The following CD86 variants were observed in gnomAD, a reference collection of about 807,000 sequenced individuals.
CD86 encodes T-lymphocyte activation antigen CD86.
Under a neutral mutation model 32.1 loss-of-function variants are expected in CD86, and 11 were observed. That is an observed-to-expected ratio of 0.34 (90% confidence interval 0.22 to 0.57). CD86 has a LOEUF of 0.57. CD86 is among the 20% of genes least tolerant of loss of function. The probability of loss-of-function intolerance (pLI) is 0.86; values close to 1 mark genes in which losing one functional copy is unlikely to be tolerated. For missense variants in CD86, 359 were observed against 398.4 expected, an observed-to-expected ratio of 0.90 and a Z score of 0.84; for synonymous variants, 137 against 135.3, an observed-to-expected ratio of 1.01 and a Z score of -0.09.
chr3:122,061,012 G>A (rs1442352503), intron 1 of CD86, among the ~76,000 whole-genome samples: 1 of 152,208 alleles, frequency 6.6e-6, no homozygotes, highest in Non-Finnish European at 1.5e-5. Context: ...TAATCTTTCT[G>A]TAGTGGCAGG....
chr3:122,088,855 G>A (rs1335671992), intron 1 of CD86, among the ~76,000 whole-genome samples: 1 of 152,200 alleles, frequency 6.6e-6, no homozygotes, highest in Non-Finnish European at 1.5e-5. Flanking sequence ...TGAAAGCAGA[G>A]TCTTAAAGAG....
intron 5 of CD86, among the ~76,000 whole-genome samples, chr3:122,110,066 G>T (rs1373667761): frequency 3.3e-5 from 5 of 151,986 alleles, no homozygotes; most frequent in African/African-American, 1.2e-4. Flanking sequence ...TATCATAAGG[G>T]TTATTTTTCA....
intron 5 of CD86, among the ~76,000 whole-genome samples, chr3:122,114,078 C>T (rs1469333154): frequency 1.3e-5 from 2 of 151,964 alleles, no homozygotes; most frequent in Non-Finnish European, 2.9e-5. Context: ...TGGTGAAACC[C>T]CATTTCTACT....
chr3:122,060,417 C>T (rs2072316340), intron 1 of CD86, among the ~76,000 whole-genome samples: 1 of 152,128 alleles, frequency 6.6e-6, no homozygotes, highest in Admixed American at 6.5e-5. Flanking sequence ...GGAGTAAACT[C>T]ACCTCTGCTG....
At chr3:122,075,862 C>T (rs1368717735) in intron 1 of CD86, among the ~76,000 whole-genome samples, 1 of 152,112 alleles carries the variant, frequency 6.6e-6, no homozygotes, top group African/African-American at 2.4e-5. Flanking sequence ...AATAAAACAA[C>T]TTGTTTTTTA....
chr3:122,055,435 C>T lies in CD86; in HGVS notation c.-55C>T. The T allele has an allele frequency of 1.3e-6, 2 of 1,587,448 alleles. No homozygotes were observed. Among genetic ancestry groups the T allele is most frequent in the Admixed American group, 3.3e-5 (2 of 59,992 alleles). The stretch of plus-strand genomic sequence containing the variant: ...CTGCTGTAACAGGGACTAGCACAGA[C>T]ACACGGATGAGTGGGGTCATTTCCA... On this transcript the variant is annotated 5_prime_UTR_variant, in exon 1 of 7. Coordinates refer to ENST00000330540, the MANE Select transcript of CD86 (RefSeq NM_175862.5).
Position 122,101,966 on chromosome 3 carries a change from C to T in CD86, c.65-1546C>T, listed in dbSNP as rs1230511812. Among the ~76,000 whole-genome samples, 4 of 152,208 alleles carry T rather than the reference C, an allele frequency of 2.6e-5. No homozygotes were observed. In the East Asian group the frequency reaches 7.7e-4, roughly 29 times the overall value. ...TTATACCTCAAGTACTTCACAGGGT[C>T]CTAGTGAGTGTAGTGAAATAGGCAG... On this transcript the variant is annotated intron_variant, in intron 2 of 6. Coordinates refer to ENST00000330540, the MANE Select transcript of CD86 (RefSeq NM_175862.5).
At chr3:122,091,229 A>G (rs1010332013) in intron 1 of CD86, among the ~76,000 whole-genome samples, 2 of 152,200 alleles carry the variant, frequency 1.3e-5, no homozygotes, top group East Asian at 3.8e-4. Context: ...GATCTCTTCC[A>G]TTGTGAGACT....
At chr3:122,080,660 C>G (rs1316685856) in intron 1 of CD86, among the ~76,000 whole-genome samples, 1 of 152,134 alleles carries the variant, frequency 6.6e-6, no homozygotes, top group Non-Finnish European at 1.5e-5. Context: ...AAGAACAACT[C>G]ACGAAAGAAA....
chr3:122,115,740 C>CAAAAAAAAA (rs769868417), intron 5 of CD86, among the ~76,000 whole-genome samples: 23 of 27,526 alleles, frequency 8.4e-4, no homozygotes, highest in South Asian at 1.8e-3. Context: ...AACTCCCTCT[C>CAAAAAAAAA]AAAAAAAAAA....
intron 1 of CD86, among the ~76,000 whole-genome samples, chr3:122,077,233 C>T (rs979787792): frequency 1.3e-5 from 2 of 152,168 alleles, no homozygotes; most frequent in African/African-American, 4.8e-5. Flanking sequence ...ACGAGTGAAA[C>T]CTGTCCCCGC....
At chr3:122,072,300 G>A (rs1381803674) in intron 1 of CD86, among the ~76,000 whole-genome samples, 7 of 147,224 alleles carry the variant, frequency 4.8e-5, no homozygotes, top group African/African-American at 7.5e-5. Flanking sequence ...CTGAGGAATC[G>A]CCACACTGAC....
chr3:122,084,649 T>C (rs1379672251), intron 1 of CD86, among the ~76,000 whole-genome samples: 1 of 152,162 alleles, frequency 6.6e-6, no homozygotes, highest in African/African-American at 2.4e-5. Context: ...CTCTCCAGCA[T>C]GATGGTCTCG....
intron 5 of CD86, among the ~76,000 whole-genome samples, chr3:122,116,621 C>A (rs1287106100): frequency 6.6e-6 from 1 of 151,698 alleles, no homozygotes; most frequent in Non-Finnish European, 1.5e-5. Flanking sequence ...ATGTTCATAG[C>A]AGCTTGCTTC....
At chr3:122,067,670 C>T (rs959439351) in intron 1 of CD86, among the ~76,000 whole-genome samples, 1 of 152,190 alleles carries the variant, frequency 6.6e-6, no homozygotes, top group Non-Finnish European at 1.5e-5. Context: ...ATTCCAACTC[C>T]TCACATTAAA....
At chr3:122,077,121 C>T (rs2072566359) in intron 1 of CD86, among the ~76,000 whole-genome samples, 1 of 152,198 alleles carries the variant, frequency 6.6e-6, no homozygotes, top group Non-Finnish European at 1.5e-5. Flanking sequence ...TCAAGTGCCA[C>T]AGACCTCAGA....
chr3:122,056,009 G>A (rs1341638838), intron 1 of CD86, among the ~76,000 whole-genome samples: 1 of 152,124 alleles, frequency 6.6e-6, no homozygotes, highest in African/African-American at 2.4e-5. Flanking sequence ...GTTGGGTAGT[G>A]GAAGGAGGTA....
At chr3:122,093,423 T>C (rs2072857500) in intron 2 of CD86, among the ~76,000 whole-genome samples, 1 of 152,226 alleles carries the variant, frequency 6.6e-6, no homozygotes, top group African/African-American at 2.4e-5. Context: ...TTTGTCATTG[T>C]ATAATCATCA....
At chr3:122,109,950 A>C (rs2254909) in intron 5 of CD86, among the ~76,000 whole-genome samples, 136,762 of 152,258 alleles carry the variant, frequency 0.9, 61,746 homozygotes, top group East Asian at 1. Flanking sequence ...AAAATAAAAT[A>C]ATCTATAACT....
Sources: gnomAD v4.1 joint callset for allele counts (sites outside exome capture counted in the v4.1 genomes callset) on GRCh38, gnomAD v4.1.1 for gene constraint, MANE v1.5 for transcripts, NCBI Gene and HGNC (gene_info 2026-07-23, HGNC 2026-07-21) for gene names.